Variants in NPNT observed in about 807,000 individuals in gnomAD.
NPNT encodes the protein nephronectin.
NPNT carries 45 observed loss-of-function variants against 68.6 expected under a neutral mutation model. That is an observed-to-expected ratio of 0.66 (90% CI 0.52 to 0.84). NPNT has a LOEUF of 0.84. Among genes scored for constraint, NPNT ranks in the 40% least tolerant of loss-of-function variants. NPNT has a pLI of 0.00. For missense variants in NPNT, 672 were observed against 714.8 expected, an observed-to-expected ratio of 0.94 and a Z score of 0.68; for synonymous variants, 233 against 253.3, an observed-to-expected ratio of 0.92 and a Z score of 0.76.
Position 105,959,035 on chromosome 4 carries a change from G to C in NPNT, c.1254G>C (p.Leu418=), listed in dbSNP as rs756831958. 5.1e-5 allele frequency: 82 copies of C among 1,603,232 alleles called. No individual in the cohort carries two copies. The highest frequency in any genetic ancestry group is 6.2e-5 in the Non-Finnish European group (72 of 1,170,376). The stretch of plus-strand genomic sequence containing the variant: ...CTGATTATTTCCTTGTAGGTGTTCT[G>C]GTACACAGTTGTAATTTTGACCATG... ...DDEAKDDPGV[L]VHSCNFDHGL... The change falls in exon 10 of 12, where the codon CTG becomes CTC. Residue 418 remains leucine (L), a synonymous_variant. Transcript: ENST00000379987.
chr4:105,926,041 GTCCCCTGTGTATC>G (rs1728653083), intron 2 of NPNT, among the ~76,000 whole-genome samples: 1 of 152,054 alleles, frequency 6.6e-6, no homozygotes, highest in Non-Finnish European at 1.5e-5. Context: ...AGCTTAATGA[GTCCCCTGTGTATC>G]TCCCAACTAA....
chr4:105,954,668 CT>C (rs1040260002), intron 8 of NPNT, among the ~76,000 whole-genome samples: 4 of 152,220 alleles, frequency 2.6e-5, no homozygotes, highest in African/African-American at 7.2e-5. Context: ...CTCCCTCCCC[CT>C]GTAAGGTCTA....
chr4:105,906,855 A>G (rs894130049), intron 2 of NPNT, among the ~76,000 whole-genome samples: 5 of 152,194 alleles, frequency 3.3e-5, no homozygotes, highest in Non-Finnish European at 4.4e-5. Context: ...TAAATTCACC[A>G]CCATTTTGCT....
At chr4:105,928,375 AAGCTGAGGCGAGTGGATC>A in intron 3 of NPNT, among the ~76,000 whole-genome samples, 1 of 152,310 alleles carries the variant, frequency 6.6e-6, no homozygotes, top group Middle Eastern at 3.4e-3. Context: ...GCACTTTGGG[AAGCTGAGGCGAGTGGATC>A]ACCTGAGGTT....
chr4:105,940,607 G>A lies in NPNT; in HGVS notation c.734G>A (p.Gly245Glu). The A allele has an allele frequency of 6.2e-7, 1 of 1,613,452 alleles. No homozygotes were observed. The highest frequency in any genetic ancestry group is 8.5e-7 in the Non-Finnish European group (1 of 1,179,518). The change falls in exon 7 of 12, where the codon GGA (glycine) becomes GAA (glutamate). Residue 245 changes from glycine (G) to glutamate (E), a missense_variant. By Grantham distance (98) the Gly-to-Glu change is moderately conservative. Transcript: ENST00000379987. ...TCCTACAAGTGCAAATGTAAAGAAG[G>A]ATACCAGGGTGATGGACTGACTTGT... ...RGSYKCKCKE[G>E]YQGDGLTCVY...
intron 2 of NPNT, among the ~76,000 whole-genome samples, chr4:105,917,842 A>G (rs1033302217): frequency 6.6e-6 from 1 of 152,192 alleles, no homozygotes; most frequent in African/African-American, 2.4e-5. Context: ...AATGAGGCCA[A>G]TGGGATAGGC....
chr4:105,934,792 T>C (rs897696163), intron 3 of NPNT, among the ~76,000 whole-genome samples: 2 of 152,202 alleles, frequency 1.3e-5, no homozygotes, highest in Non-Finnish European at 1.5e-5. Flanking sequence ...TGACAGCACA[T>C]TGGCTTTTCT....
intron 2 of NPNT, among the ~76,000 whole-genome samples, chr4:105,910,935 C>T (rs72968666): frequency 0.033 from 5,019 of 152,058 alleles, 254 homozygotes; most frequent in African/African-American, 0.11. Flanking sequence ...TTTACCTTTG[C>T]TTACAATAAT....
chr4:105,931,314 TATTTATAAATGTC>T (rs1470795677), intron 3 of NPNT, among the ~76,000 whole-genome samples: 2 of 152,104 alleles, frequency 1.3e-5, no homozygotes, highest in African/African-American at 4.8e-5. Context: ...CAGAAGAAAA[TATTTATAAATGTC>T]AATTCCTAAT....
intron 2 of NPNT, among the ~76,000 whole-genome samples, chr4:105,922,239 T>A (rs1437193510): frequency 2.0e-5 from 3 of 151,976 alleles, no homozygotes; most frequent in African/African-American, 4.8e-5. Flanking sequence ...GGCACTTTAC[T>A]CCCAGCATGA....
At chr4:105,916,466 C>T (rs753685377) in intron 2 of NPNT, among the ~76,000 whole-genome samples, 10 of 151,966 alleles carry the variant, frequency 6.6e-5, no homozygotes, top group Non-Finnish European at 1.2e-4. Context: ...AAGCAATCCA[C>T]GCACCTTGGC....
At chr4:105,920,407 A>AAAAAAAAAAAAC (rs1331519225) in intron 2 of NPNT, among the ~76,000 whole-genome samples, 10 of 151,186 alleles carry the variant, frequency 6.6e-5, no homozygotes, top group Admixed American at 2.0e-4. Flanking sequence ...AAAAAAAAAA[A>AAAAAAAAAAAAC]AAAAAAAAAA....
At chr4:105,914,411 ATATAT>A (rs1049804029) in intron 2 of NPNT, among the ~76,000 whole-genome samples, 2 of 137,396 alleles carry the variant, frequency 1.5e-5, no homozygotes, top group African/African-American at 5.4e-5. Context: ...AATATATATT[ATATAT>A]TATAATATAT....
At chr4:105,919,429 GC>G (rs1489050248) in intron 2 of NPNT, among the ~76,000 whole-genome samples, 5 of 152,082 alleles carry the variant, frequency 3.3e-5, no homozygotes, top group Non-Finnish European at 5.9e-5. Context: ...ATATAATAAT[GC>G]TATGTAATAA....
intron 1 of NPNT, among the ~76,000 whole-genome samples, chr4:105,896,341 T>C (rs1374823825): frequency 6.6e-6 from 1 of 152,042 alleles, no homozygotes; most frequent in Non-Finnish European, 1.5e-5. Flanking sequence ...GCGCACACAC[T>C]GCGCCGCTCC....
intron 3 of NPNT, among the ~76,000 whole-genome samples, chr4:105,928,134 G>A (rs1268267179): frequency 2.6e-5 from 4 of 152,100 alleles, no homozygotes; most frequent in African/African-American, 4.8e-5. Context: ...GGAATATTAA[G>A]TGTCTTGCTC....
intron 2 of NPNT, among the ~76,000 whole-genome samples, chr4:105,901,668 T>C (rs938361958): frequency 6.6e-6 from 1 of 152,210 alleles, no homozygotes; most frequent in Non-Finnish European, 1.5e-5. Flanking sequence ...AAAATTGAGA[T>C]GTTTTCTTAT....
chr4:105,903,556 G>T (rs1185952831), intron 2 of NPNT, among the ~76,000 whole-genome samples: 1 of 152,088 alleles, frequency 6.6e-6, no homozygotes, highest in Non-Finnish European at 1.5e-5. Flanking sequence ...TTTTGTAGGA[G>T]AAAATGTATT....
chr4:105,915,924 C>A (rs1390514892), intron 2 of NPNT, among the ~76,000 whole-genome samples: 1 of 152,062 alleles, frequency 6.6e-6, no homozygotes, highest in African/African-American at 2.4e-5. Context: ...CAGCTTTAAA[C>A]AGTAGAAAAA....
Sources: allele counts gnomAD v4.1 joint callset (sites outside exome capture counted in the v4.1 genomes callset), GRCh38; gene constraint gnomAD v4.1.1; transcripts MANE v1.5; gene names NCBI Gene and HGNC (gene_info 2026-07-23, HGNC 2026-07-21).